ZDHHC14: variants seen among roughly 807,000 people sequenced by gnomAD.
ZDHHC14 encodes palmitoyltransferase ZDHHC14.
In ZDHHC14, 16 loss-of-function variants were observed where a neutral mutation model predicts 47.7. That is an observed-to-expected ratio of 0.34 (90% CI 0.23 to 0.51). The LOEUF (loss-of-function observed/expected upper bound fraction) is 0.51. ZDHHC14 is among the 20% of genes least tolerant of loss of function. ZDHHC14 has a pLI of 0.97. For synonymous variants in ZDHHC14, 293 were observed against 278.9 expected, an observed-to-expected ratio of 1.05 and a Z score of -0.50; for missense variants, 515 against 662.5, an observed-to-expected ratio of 0.78 and a Z score of 2.44.
At chr6:157,633,729 G>C (rs936332141) in intron 5 of ZDHHC14, among the ~76,000 whole-genome samples, 3 of 152,190 alleles carry the variant, frequency 2.0e-5, no homozygotes, top group Non-Finnish European at 2.9e-5. Flanking sequence ...CACCCACCCA[G>C]GCTGGAGTGC....
chr6:157,431,592 T>C (rs1262164859), intron 1 of ZDHHC14, among the ~76,000 whole-genome samples: 1 of 152,180 alleles, frequency 6.6e-6, no homozygotes, highest in Admixed American at 6.5e-5. Flanking sequence ...GTGGGTCATA[T>C]TGAAATCTCT....
At chr6:157,651,230 G>A (rs1583075098) in intron 7 of ZDHHC14, among the ~76,000 whole-genome samples, 1 of 152,220 alleles carries the variant, frequency 6.6e-6, no homozygotes, top group Non-Finnish European at 1.5e-5. Context: ...CCCCGAGGCT[G>A]GGGAGAACCC....
chr6:157,632,650 A>G (rs1329387357), intron 4 of ZDHHC14, 184 bp from the exon 5 acceptor site: 2 of 657,620 alleles, frequency 3.0e-6, no homozygotes, highest in Admixed American at 2.4e-5. Context: ...TGAATCCTCC[A>G]TTTTCTTGAT....
chr6:157,416,544 C>G (rs951846753), intron 1 of ZDHHC14, among the ~76,000 whole-genome samples: 1 of 151,618 alleles, frequency 6.6e-6, no homozygotes, highest in African/African-American at 2.4e-5. Context: ...TGGCACATAC[C>G]TGTGGTCCCA....
intron 1 of ZDHHC14, among the ~76,000 whole-genome samples, chr6:157,401,214 C>T (rs1160223201): frequency 6.6e-6 from 1 of 152,058 alleles, no homozygotes. Flanking sequence ...TAAATAGAAA[C>T]GTTGTTTCAA....
In ZDHHC14 at chr6:157,628,221, A is replaced by G. The variant is rs1036554418; in HGVS notation, c.566-128A>G. 13 of 964,380 alleles carry G rather than the reference A, an allele frequency of 1.3e-5. No individual in the cohort carries two copies. In the African/African-American group the frequency reaches 2.2e-4, roughly 16 times the overall value. The allele number at this position is 964,380 out of a possible 1,614,324, so 59.7% of individuals were successfully genotyped here. ...CATTTCTCTGAGTGGTTAATTTGGA[A>G]ATATGCAGAATAATATCATTGTGTT... On this transcript the variant is annotated intron_variant, in intron 3 of 8. Transcript: ENST00000359775.
In ZDHHC14 at chr6:157,549,106, C is replaced by T. The variant is rs145010309; in HGVS notation, c.406+6361C>T. 1.4e-3 allele frequency among the ~76,000 whole-genome samples: 208 copies of T among 152,334 alleles called. 3 individuals are homozygous for T. In the East Asian group the frequency reaches 0.038, roughly 28 times the overall value. On this transcript the variant is annotated intron_variant, in intron 2 of 8. Coordinates refer to ENST00000359775, the MANE Select transcript of ZDHHC14 (RefSeq NM_024630.3). ...TGATATCACAGCGTGTGCTCTTACC[C>T]GCTGCACAGTGCTGCCCACCTCCTG...
intron 3 of ZDHHC14, among the ~76,000 whole-genome samples, chr6:157,613,499 C>T (rs1450098646): frequency 2.0e-5 from 3 of 152,034 alleles, no homozygotes; most frequent in African/African-American, 2.4e-5. Context: ...TGACTTATGC[C>T]GGGGTTAGCC....
chr6:157,389,223 A>G (rs1225454774), intron 1 of ZDHHC14, among the ~76,000 whole-genome samples: 1 of 152,164 alleles, frequency 6.6e-6, no homozygotes, highest in African/African-American at 2.4e-5. Context: ...AGAACTCTGT[A>G]TACTCTCCAT....
At chr6:157,578,041 T>G (rs370827034) in intron 2 of ZDHHC14, among the ~76,000 whole-genome samples, 3 of 149,558 alleles carry the variant, frequency 2.0e-5, no homozygotes, top group African/African-American at 5.0e-5. Context: ...TTTAATGGGG[T>G]TGTTTTTTTT....
chr6:157,662,541 G>T (rs949763311), intron 8 of ZDHHC14, among the ~76,000 whole-genome samples: 2 of 152,246 alleles, frequency 1.3e-5, no homozygotes, highest in Non-Finnish European at 2.9e-5. Flanking sequence ...ACAGGGGCTC[G>T]CACACAGGAG....
intron 3 of ZDHHC14, among the ~76,000 whole-genome samples, chr6:157,625,741 G>A (rs1785383164): frequency 6.6e-6 from 1 of 151,934 alleles, no homozygotes; most frequent in East Asian, 1.9e-4. Flanking sequence ...CACAACAGAG[G>A]ACATGAAAAA....
intron 4 of ZDHHC14, chr6:157,630,745 A>G (rs1220032001): frequency 1.4e-5 from 2 of 146,228 alleles, no homozygotes; most frequent in East Asian, 4.0e-4. Flanking sequence ...ACACACACAT[A>G]CTCGTACACG....
At chr6:157,496,300 G>A (rs889928407) in intron 1 of ZDHHC14, among the ~76,000 whole-genome samples, 2 of 152,148 alleles carry the variant, frequency 1.3e-5, no homozygotes, top group African/African-American at 2.4e-5. Context: ...TAGGCCTCAT[G>A]TGGCCTGTTG....
At chr6:157,627,386 T>C (rs570828241) in intron 3 of ZDHHC14, among the ~76,000 whole-genome samples, 1 of 152,296 alleles carries the variant, frequency 6.6e-6, no homozygotes, top group East Asian at 1.9e-4. Context: ...AGCGGTGTCC[T>C]CCCCAGCCGC....
intron 1 of ZDHHC14, 138 bp downstream of exon 1, chr6:157,382,404 T>A: frequency 9.2e-7 from 1 of 1,087,418 alleles, no homozygotes; most frequent in Non-Finnish European, 1.3e-6. Context: ...CGCTCCCTCT[T>A]TTTTCTTTTA....
At chr6:157,461,122 C>CGAA (rs1233282171) in intron 1 of ZDHHC14, among the ~76,000 whole-genome samples, 53 of 152,244 alleles carry the variant, frequency 3.5e-4, no homozygotes, top group African/African-American at 1.2e-3. Context: ...GTTTTTAGAA[C>CGAA]CTGAAAAACA....
At chr6:157,575,149 C>G (rs111363363) in intron 2 of ZDHHC14, among the ~76,000 whole-genome samples, 10 of 152,306 alleles carry the variant, frequency 6.6e-5, no homozygotes, top group African/African-American at 2.2e-4. Flanking sequence ...ACCGTGAAGT[C>G]TTGAGAATTT....
intron 1 of ZDHHC14, among the ~76,000 whole-genome samples, chr6:157,490,435 A>T (rs1356806515): frequency 6.6e-6 from 1 of 152,230 alleles, no homozygotes; most frequent in Admixed American, 6.5e-5. Flanking sequence ...CGCAGATGTG[A>T]TCCTTGGCCT....
Sources: allele counts gnomAD v4.1 joint callset (sites outside exome capture counted in the v4.1 genomes callset), GRCh38; gene constraint gnomAD v4.1.1; transcripts MANE v1.5; gene names NCBI Gene and HGNC (gene_info 2026-07-23, HGNC 2026-07-21).